Variants in CENPP observed in about 807,000 individuals in gnomAD.
CENPP encodes centromere protein P.
CENPP carries 24 observed loss-of-function variants against 35.6 expected under a neutral mutation model. The ratio of observed to expected loss-of-function variants is 0.67; its 90% CI spans 0.49 to 0.95. The LOEUF (loss-of-function observed/expected upper bound fraction) is 0.95, where lower values mean the gene tolerates loss of function less well. Ranked by LOEUF, CENPP falls within the 40% of genes least tolerant of loss-of-function variation. The pLI is 0.00. For synonymous variants in CENPP, 120 were observed against 125.5 expected, an observed-to-expected ratio of 0.96 and a Z score of 0.29; for missense variants, 332 against 345.3, an observed-to-expected ratio of 0.96 and a Z score of 0.31.
intron 5 of CENPP, chr9:92,424,428 G>A (rs544775543): frequency 1.2e-4 from 18 of 152,220 alleles, no homozygotes; most frequent in African/African-American, 4.1e-4. Flanking sequence ...ATGAAACTTT[G>A]TGGATTCAAA....
chr9:92,584,538 G>C (rs892287411), intron 5 of CENPP, among the ~76,000 whole-genome samples: 2 of 151,972 alleles, frequency 1.3e-5, no homozygotes, highest in Admixed American at 6.6e-5. Flanking sequence ...TTTAAGAGAC[G>C]GGGTCTCACT....
intron 5 of CENPP, among the ~76,000 whole-genome samples, chr9:92,444,113 T>C (rs1844491024): frequency 6.6e-6 from 1 of 152,194 alleles, no homozygotes. Flanking sequence ...AATAAATAAA[T>C]TATAAATTTT....
chr9:92,428,175 T>G (rs930346227), intron 5 of CENPP, among the ~76,000 whole-genome samples: 1 of 152,208 alleles, frequency 6.6e-6, no homozygotes, highest in Non-Finnish European at 1.5e-5. Context: ...GCTCCTGAAT[T>G]CATGGCCCAT....
intron 5 of CENPP, among the ~76,000 whole-genome samples, chr9:92,444,637 C>T (rs1249653259): frequency 6.6e-6 from 1 of 152,060 alleles, no homozygotes; most frequent in African/African-American, 2.4e-5. Flanking sequence ...TATCTCTGTC[C>T]CATGTTAAGC....
chr9:92,332,299 A>T lies in CENPP; in HGVS notation c.237A>T (p.Arg79Ser), dbSNP rs1458244830. 1.9e-6 allele frequency: 3 copies of T among 1,611,050 alleles called. No individual in the cohort carries two copies. The highest frequency in any genetic ancestry group is 2.5e-6 in the Non-Finnish European group (3 of 1,178,870). Reference sequence around the variant, plus strand: ...GTACGCTTACTGGCATCAATATAAGAAATCACTCCAAGCAGACAGAAGACC... The same window carrying T: ...GTACGCTTACTGGCATCAATATAAGTAATCACTCCAAGCAGACAGAAGACC... ...FLSTLTGINI[R>S]NHSKQTEDLT... Residue 79 changes from arginine to serine, a missense_variant, in exon 2 of 8, where the codon AGA becomes AGT. Coordinates refer to ENST00000375587, the MANE Select transcript of CENPP (RefSeq NM_001012267.3).
chr9:92,367,830 C>A (rs1325395498), intron 4 of CENPP, among the ~76,000 whole-genome samples: 1 of 152,176 alleles, frequency 6.6e-6, no homozygotes, highest in Non-Finnish European at 1.5e-5. Flanking sequence ...ATTGGACAGT[C>A]TGTTCAAACT....
chr9:92,415,215 C>T (rs1444725919), intron 5 of CENPP: 7 of 1,613,776 alleles, frequency 4.3e-6, no homozygotes, highest in Non-Finnish European at 5.9e-6. Context: ...GTTCTGGGCT[C>T]TCATGAGCAT....
intron 5 of CENPP, chr9:92,517,559 T>A: frequency 8.0e-7 from 1 of 1,247,274 alleles, no homozygotes; most frequent in Non-Finnish European, 1.1e-6. Flanking sequence ...TAATCAGCAT[T>A]TTGCCAATAT....
chr9:92,512,789 CCTT>C (rs1280977515), intron 5 of CENPP, among the ~76,000 whole-genome samples: 1 of 152,162 alleles, frequency 6.6e-6, no homozygotes, highest in Non-Finnish European at 1.5e-5. Context: ...CACGTGGTGA[CCTT>C]CTTATAAAAC....
At chr9:92,438,442 TA>T (rs1169598930) in intron 5 of CENPP, among the ~76,000 whole-genome samples, 128 of 152,356 alleles carry the variant, frequency 8.4e-4, no homozygotes, top group African/African-American at 2.9e-3. Flanking sequence ...GTCTGCCTTA[TA>T]CCAGTGTCAT....
At chr9:92,434,381 T>A (rs1844195820) in intron 5 of CENPP, among the ~76,000 whole-genome samples, 2 of 139,166 alleles carry the variant, frequency 1.4e-5, no homozygotes, top group Non-Finnish European at 1.5e-5. Flanking sequence ...TGGGCGAGAC[T>A]CTGTCTCAAA....
intron 5 of CENPP, 144 bp from the exon 6 acceptor site, chr9:92,611,169 AG>A (rs1437254766): frequency 5.9e-6 from 4 of 678,512 alleles, no homozygotes; most frequent in Admixed American, 4.6e-5. Flanking sequence ...AGCAAGGGCA[AG>A]AGGGGCGGTT....
At chr9:92,474,022 A>G (rs1475679971) in intron 5 of CENPP, among the ~76,000 whole-genome samples, 1 of 152,234 alleles carries the variant, frequency 6.6e-6, no homozygotes, top group Non-Finnish European at 1.5e-5. Flanking sequence ...ATGCATTCCC[A>G]TTAAGTCCCG....
Position 92,615,639 on chromosome 9 carries a change from A to C in CENPP, c.*2490A>C, listed in dbSNP as rs1851406818. The C allele has an allele frequency of 1.8e-6, 1 of 569,206 alleles. No homozygotes were observed. The highest frequency in any genetic ancestry group is 3.0e-5 in the Admixed American group (1 of 32,808). The allele number at this position is 569,206 out of a possible 1,614,324, so 35.3% of individuals were successfully genotyped here. ...AGCAGCTTCCTGGGACACAGCACTCACTTCCTACATTCCTTGTCCAGGAAG... is the reference window on the plus strand; with the variant it reads ...AGCAGCTTCCTGGGACACAGCACTCCCTTCCTACATTCCTTGTCCAGGAAG... On this transcript the variant is annotated 3_prime_UTR_variant, in exon 8 of 8. Coordinates refer to ENST00000375587, the MANE Select transcript of CENPP (RefSeq NM_001012267.3).
intron 3 of CENPP, among the ~76,000 whole-genome samples, chr9:92,338,598 A>G (rs1347780730): frequency 6.6e-6 from 1 of 152,058 alleles, no homozygotes; most frequent in Non-Finnish European, 1.5e-5. Context: ...AGATCCAACC[A>G]TCTGCATCTG....
intron 4 of CENPP, among the ~76,000 whole-genome samples, chr9:92,357,263 A>G (rs1841614961): frequency 6.6e-6 from 1 of 151,532 alleles, no homozygotes; most frequent in Admixed American, 6.6e-5. Context: ...CTATTTCTTA[A>G]TATGTCTTCA....
At chr9:92,547,321 A>G (rs1849489668) in intron 5 of CENPP, among the ~76,000 whole-genome samples, 1 of 152,244 alleles carries the variant, frequency 6.6e-6, no homozygotes, top group Admixed American at 6.5e-5. Flanking sequence ...GAGAACTGAA[A>G]ACACATATGT....
At chr9:92,407,975 A>G (rs890047394) in intron 5 of CENPP, among the ~76,000 whole-genome samples, 1 of 152,148 alleles carries the variant, frequency 6.6e-6, no homozygotes, top group East Asian at 1.9e-4. Context: ...AAATGTGTTG[A>G]ATGGAATGGA....
chr9:92,600,414 C>T lies in CENPP; in HGVS notation c.565-10900C>T, dbSNP rs755682284. On this transcript the variant is annotated intron_variant, in intron 5 of 7. Transcript: ENST00000375587. ...TGGGTCTCTTTCAACTCTGGGTTTC[C>T]CTGGTTCTTCCCAAGTCTGTACAAA... 47 of 1,611,396 alleles carry T rather than the reference C, an allele frequency of 2.9e-5. No individual in the cohort carries two copies. The Admixed American group carries it at 7.4e-4, about 25-fold the overall frequency.
Sources: allele counts gnomAD v4.1 joint callset (sites outside exome capture counted in the v4.1 genomes callset), GRCh38; gene constraint gnomAD v4.1.1; transcripts MANE v1.5; gene names NCBI Gene and HGNC (gene_info 2026-07-23, HGNC 2026-07-21).